PALS1: variants seen among roughly 807,000 people sequenced by gnomAD.
PALS1 encodes protein PALS1.
PALS1 carries 31 observed loss-of-function variants against 78.9 expected under a neutral mutation model. The ratio of observed to expected loss-of-function variants is 0.39; its 90% CI spans 0.30 to 0.53. The LOEUF (loss-of-function observed/expected upper bound fraction) is 0.53. Ranked by LOEUF, PALS1 falls within the 20% of genes least tolerant of loss-of-function variation. PALS1 has a pLI of 0.67. For missense variants in PALS1, 704 were observed against 826.5 expected (o/e 0.85, Z 1.82); for synonymous variants, 276 against 270.9 (o/e 1.02, Z -0.18).
chr14:67,283,454 C>T (rs1284600374), intron 3 of PALS1, among the ~76,000 whole-genome samples: 1 of 152,084 alleles, frequency 6.6e-6, no homozygotes, highest in Non-Finnish European at 1.5e-5. Flanking sequence ...TTATTTCAAG[C>T]CAACAGACAA....
At chr14:67,288,561 T>C (rs1000046530) in intron 3 of PALS1, among the ~76,000 whole-genome samples, 2 of 152,188 alleles carry the variant, frequency 1.3e-5, no homozygotes, top group Non-Finnish European at 2.9e-5. Context: ...AGAAGTCTAG[T>C]CCCCATAAGA....
intron 14 of PALS1, among the ~76,000 whole-genome samples, chr14:67,329,428 G>A (rs2085407416): frequency 6.6e-6 from 1 of 152,188 alleles, no homozygotes; most frequent in South Asian, 2.1e-4. Context: ...TGCAAACAGG[G>A]ATAATTCGAC....
rs35018637 is a variant in PALS1, at chr14:67,323,232, CGTGTGT to C, written c.1741-445_1741-440del. Among the ~76,000 whole-genome samples, 453 of 143,424 alleles carry C rather than the reference CGTGTGT, an allele frequency of 3.2e-3. 3 individuals are homozygous for C. The highest frequency in any genetic ancestry group is 5.9e-3 in the South Asian group (25 of 4,224). The allele number at this position is 143,424 out of a possible 152,430, so 94.1% of individuals were successfully genotyped here. On this transcript the variant is annotated intron_variant, in intron 13 of 14. Transcript: ENST00000261681. ...ATATACATATATACACATATATACA[CGTGTGT>C]GTGTGTGTGTGTGTGTGTGTGTGTA...
At position 67,301,389 on chromosome 14, in the gene PALS1, G is replaced by T; in HGVS notation, c.577G>T (p.Val193Leu). ...ISNAQDLAQE[V>L]QTVLKPVHHK... ...AATAATCTTTATTTTTGTTTCTTAG[G>T]TACAAACTGTTTTGAAGCCAGTTCA... is the stretch of plus-strand genomic sequence containing the variant. Residue 193 changes from valine to leucine, a missense_variant and splice_region_variant, in exon 5 of 15, where the codon GTA becomes TTA. Physicochemically the swap from Val to Leu is conservative, Grantham distance 32. Transcript: ENST00000261681. 1.2e-6 allele frequency: 2 copies of T among 1,602,410 alleles called. No individual in the cohort carries two copies. Among genetic ancestry groups the T allele is most frequent in the Non-Finnish European group, 1.7e-6 (2 of 1,172,650 alleles).
chr14:67,264,934 A>T (rs1181672657), intron 1 of PALS1, among the ~76,000 whole-genome samples: 1 of 144,540 alleles, frequency 6.9e-6, no homozygotes, highest in African/African-American at 2.5e-5. Flanking sequence ...CAGGAATCAT[A>T]TTTTTTTTTT....
At chr14:67,263,365 A>G (rs2084267618) in intron 1 of PALS1, among the ~76,000 whole-genome samples, 1 of 152,166 alleles carries the variant, frequency 6.6e-6, no homozygotes, top group Non-Finnish European at 1.5e-5. Flanking sequence ...GGGAGTACTT[A>G]AGGTCAGAGC....
rs1018147116 is a variant in PALS1 at position 67,335,245 on chromosome 14, T to C, written c.*2289T>C. The C allele has an allele frequency of 6.6e-6, 1 of 152,222 alleles. No homozygotes were observed. The highest frequency in any genetic ancestry group is 1.5e-5 in the Non-Finnish European group (1 of 68,046). The allele number at this position is 152,222 out of a possible 1,614,324, so 9.4% of individuals were successfully genotyped here. A position where few individuals can be genotyped will look rare whatever the true frequency, so the allele number is the denominator to read the frequency against. The stretch of plus-strand genomic sequence containing the variant: ...GATGAGGATGTGCTGATATTCAACA[T>C]AGTCCTTAAAGTGAAAACTGAGTTG... On this transcript the variant is annotated 3_prime_UTR_variant, in exon 15 of 15. Coordinates refer to ENST00000261681, the MANE Select transcript of PALS1 (RefSeq NM_022474.4).
intron 14 of PALS1, among the ~76,000 whole-genome samples, chr14:67,324,897 A>ATTTTTTTTTTT (rs1197663812): frequency 1.3e-5 from 1 of 76,328 alleles, no homozygotes; most frequent in African/African-American, 5.8e-5. Flanking sequence ...CCTTCCTTTC[A>ATTTTTTTTTTT]TTTTTTTTTT....
intron 3 of PALS1, among the ~76,000 whole-genome samples, chr14:67,281,506 A>G (rs777472903): frequency 3.9e-5 from 6 of 151,924 alleles, no homozygotes; most frequent in African/African-American, 7.2e-5. Context: ...CCACCACTCT[A>G]TTATTATTTA....
intron 3 of PALS1, among the ~76,000 whole-genome samples, chr14:67,291,678 T>G (rs1391200971): frequency 6.6e-6 from 1 of 152,230 alleles, no homozygotes. Flanking sequence ...CACATACATA[T>G]GCCCACAACT....
intron 1 of PALS1, among the ~76,000 whole-genome samples, chr14:67,246,274 G>A (rs982256497): frequency 6.6e-6 from 1 of 151,566 alleles, no homozygotes; most frequent in Non-Finnish European, 1.5e-5. Flanking sequence ...GACCACAGGC[G>A]TGCCACCGCA....
At chr14:67,244,680 T>C (rs1445729407) in intron 1 of PALS1, among the ~76,000 whole-genome samples, 1 of 152,222 alleles carries the variant, frequency 6.6e-6, no homozygotes, top group Non-Finnish European at 1.5e-5. Context: ...AATAGGTTTT[T>C]GTGTAAACCT....
chr14:67,262,626 C>T (rs2084256854), intron 1 of PALS1, among the ~76,000 whole-genome samples: 1 of 152,134 alleles, frequency 6.6e-6, no homozygotes, highest in Admixed American at 6.5e-5. Context: ...CCCTAGTCAA[C>T]TCTGGTTACA....
At chr14:67,320,635 T>TTA (rs1473746285) in intron 12 of PALS1, among the ~76,000 whole-genome samples, 1 of 152,188 alleles carries the variant, frequency 6.6e-6, no homozygotes, top group Non-Finnish European at 1.5e-5. Context: ...TTTGGGCCCC[T>TTA]TATAATTTCC....
At chr14:67,247,989 T>C (rs181650736) in intron 1 of PALS1, among the ~76,000 whole-genome samples, 1 of 152,344 alleles carries the variant, frequency 6.6e-6, no homozygotes, top group Non-Finnish European at 1.5e-5. Flanking sequence ...GGTTTTCTTC[T>C]GTTCCTAGGT....
At position 67,320,262 on chromosome 14, in the gene PALS1, G is replaced by A. The variant is rs145470385; in HGVS notation, c.1402G>A (p.Glu468Lys). 3.1e-4 allele frequency: 505 copies of A among 1,613,300 alleles called. 5 individuals carry two copies. The African/African-American group carries it at 6.1e-3, about 20-fold the overall frequency. Residue 468 changes from glutamate to lysine, a missense_variant, in exon 12 of 15, where the codon GAA becomes AAA. Transcript: ENST00000261681. Reference protein sequence around the residue: ...YDNEEILTYEEMSLYHQPANR... With the variant: ...YDNEEILTYEKMSLYHQPANR... ...CAACGAGGAGATCTTAACCTATGAG[G>A]AAATGTCACTTTATCATCAGCCAGC...
rs1192393064 is a variant in PALS1, at chr14:67,334,026, G to A, written c.*1070G>A. 1 of 152,454 alleles carries A rather than the reference G, an allele frequency of 6.6e-6. No individual in the cohort carries two copies. The highest frequency in any genetic ancestry group is 2.4e-5 in the African/African-American group (1 of 41,416). The allele number at this position is 152,454 out of a possible 1,614,324, so 9.4% of individuals were successfully genotyped here. ...CAACAAATGGTCATTGAAAACACTTGTTTAGCATTAGAATAAAATTATATA... is the reference window on the plus strand; with the variant it reads ...CAACAAATGGTCATTGAAAACACTTATTTAGCATTAGAATAAAATTATATA... On this transcript the variant is annotated 3_prime_UTR_variant, in exon 15 of 15. Transcript: ENST00000261681.
At chr14:67,263,194 T>TA (rs1175847495) in intron 1 of PALS1, among the ~76,000 whole-genome samples, 1 of 152,186 alleles carries the variant, frequency 6.6e-6, no homozygotes, top group Non-Finnish European at 1.5e-5. Context: ...ACTTTTTACT[T>TA]CAGGAAATGT....
rs865889666 is a variant in PALS1, at chr14:67,284,319, C to A, written c.367+4782C>A. Among the ~76,000 whole-genome samples, 11 of 151,082 alleles carry A rather than the reference C, an allele frequency of 7.3e-5. No homozygotes were observed. The Middle Eastern group carries it at 0.028, about 379-fold the overall frequency. ...TAGTATACTCACAAGGTTGTGCAGGCAGGCGTGGTGGTTCACGCCCGTATT... is the reference window on the plus strand; with the variant it reads ...TAGTATACTCACAAGGTTGTGCAGGAAGGCGTGGTGGTTCACGCCCGTATT... On this transcript the variant is annotated intron_variant, in intron 3 of 14. Transcript: ENST00000261681.
Sources: gnomAD v4.1 joint callset for allele counts (sites outside exome capture counted in the v4.1 genomes callset) on GRCh38, gnomAD v4.1.1 for gene constraint, MANE v1.5 for transcripts, NCBI Gene and HGNC (gene_info 2026-07-23, HGNC 2026-07-21) for gene names.